The following WTAP variants were observed in gnomAD, a reference collection of about 807,000 sequenced individuals.
The protein encoded by WTAP is pre-mRNA-splicing regulator WTAP.
In WTAP, 8 loss-of-function variants were observed where a neutral mutation model predicts 50.0. That is an observed-to-expected ratio of 0.16 (90% CI 0.09 to 0.29). The LOEUF is 0.29. Among genes scored for constraint, WTAP ranks in the 10% least tolerant of loss-of-function variants. The pLI is 1.00. For synonymous variants in WTAP, 194 were observed against 169.0 expected (o/e 1.15, Z -1.15); for missense variants, 295 against 470.7 (o/e 0.63, Z 3.45).
At position 159,753,321 on chromosome 6, in the gene WTAP, AAAG is replaced by A. The variant is rs771490212; in HGVS notation, c.453-134_453-132del. ...ATGCAGAAGATGGATGTGTCCCAGA[AAAG>A]AAGATGGTAATTATGGGGAAGCATC... On this transcript the variant is annotated intron_variant, in intron 6 of 7. Coordinates refer to ENST00000621533, the MANE Select transcript of WTAP (RefSeq NM_001270531.2). 430 of 1,235,940 alleles carry A rather than the reference AAAG, an allele frequency of 3.5e-4. 2 individuals are homozygous for A. Among genetic ancestry groups the A allele is most frequent in the Non-Finnish European group, 4.6e-4 (403 of 882,314 alleles). The allele number at this position is 1,235,940 out of a possible 1,614,324, so 76.6% of individuals were successfully genotyped here.
At chr6:159,743,934 C>G (rs1159818282) in intron 5 of WTAP, 142 bp downstream of exon 5, 7 of 972,624 alleles carry the variant, frequency 7.2e-6, no homozygotes, top group Non-Finnish European at 9.5e-6. Context: ...TTTAAGAATA[C>G]TAGATGAAAA....
Position 159,727,649 on chromosome 6 carries a change from A to G in WTAP, c.-63A>G, listed in dbSNP as rs1304686417. On this transcript the variant is annotated 5_prime_UTR_variant, in exon 1 of 8. Coordinates refer to ENST00000621533, the MANE Select transcript of WTAP (RefSeq NM_001270531.2). Reference sequence around the variant, plus strand: ...GGGGGGCCCGGGCGGCAGGGCAAGCAGCGCGGCCTCGGCCTATGCGACCGG... The same window carrying G: ...GGGGGGCCCGGGCGGCAGGGCAAGCGGCGCGGCCTCGGCCTATGCGACCGG... The G allele has an allele frequency of 1.0e-6, 1 of 985,736 alleles. No individual in the cohort carries two copies. The highest frequency in any genetic ancestry group is 1.8e-5 in the African/African-American group (1 of 57,098). 61.1% of individuals were successfully genotyped at this position (985,736 alleles called of 1,614,324 possible). A position where few individuals can be genotyped will look rare whatever the true frequency, so the allele number is the denominator to read the frequency against.
At chr6:159,750,339 A>G (rs1300763164) in intron 6 of WTAP, among the ~76,000 whole-genome samples, 1 of 152,236 alleles carries the variant, frequency 6.6e-6, no homozygotes, top group Non-Finnish European at 1.5e-5. Flanking sequence ...GATAACAGTC[A>G]TGAGTTCTAT....
At chr6:159,741,257 C>T (rs1424167430) in intron 3 of WTAP, among the ~76,000 whole-genome samples, 1 of 152,104 alleles carries the variant, frequency 6.6e-6, no homozygotes, top group Non-Finnish European at 1.5e-5. Context: ...CAACGGTCCC[C>T]TTGTATTCTG....
At chr6:159,728,742 C>T (rs1443106380) in intron 1 of WTAP, among the ~76,000 whole-genome samples, 6 of 152,200 alleles carry the variant, frequency 3.9e-5, no homozygotes, top group Non-Finnish European at 1.5e-5. Context: ...GGAAAGATTG[C>T]AGTCCGCAAA....
chr6:159,746,781 A>G (rs1035880527), intron 5 of WTAP, among the ~76,000 whole-genome samples: 1 of 152,234 alleles, frequency 6.6e-6, no homozygotes, highest in Non-Finnish European at 1.5e-5. Context: ...AATAAAACTA[A>G]CTTTGAAAAC....
intron 6 of WTAP, chr6:159,749,080 A>G (rs879236001): frequency 3.8e-5 from 38 of 987,806 alleles, no homozygotes; most frequent in Middle Eastern, 5.1e-4. Context: ...GCCTTAATCA[A>G]TGTGGTTTTA....
chr6:159,739,088 A>G (rs770262836), intron 3 of WTAP, 43 bp downstream of exon 3: 4 of 1,482,004 alleles, frequency 2.7e-6, no homozygotes, highest in East Asian at 2.3e-5. Context: ...TCTATAGAAC[A>G]TTATATTGTG....
rs1779977422 is a variant in WTAP, at chr6:159,755,717, GTTTTGGTTTT to G, written c.*111_*120del. On this transcript the variant is annotated 3_prime_UTR_variant, in exon 8 of 8. Coordinates refer to ENST00000621533, the MANE Select transcript of WTAP (RefSeq NM_001270531.2). The stretch of plus-strand genomic sequence containing the variant: ...ACAATTTGCCTTTTTGTGGGTGTAC[GTTTTGGTTTT>G]TTTTTGTTGTTTTTTTTCTTTGTTT... 5.1e-6 allele frequency: 5 copies of G among 980,926 alleles called. No individual in the cohort carries two copies. The highest frequency in any genetic ancestry group is 4.8e-6 in the Non-Finnish European group (4 of 838,326). The allele number at this position is 980,926 out of a possible 1,614,324, so 60.8% of individuals were successfully genotyped here. A position where few individuals can be genotyped will look rare whatever the true frequency, so the allele number is the denominator to read the frequency against.
At chr6:159,740,657 A>G (rs1583083586) in intron 3 of WTAP, among the ~76,000 whole-genome samples, 1 of 151,900 alleles carries the variant, frequency 6.6e-6, no homozygotes, top group Non-Finnish European at 1.5e-5. Flanking sequence ...GTTTACATAG[A>G]AAGTGGATTA....
At chr6:159,746,107 A>C (rs1476097200) in intron 5 of WTAP, among the ~76,000 whole-genome samples, 1 of 152,236 alleles carries the variant, frequency 6.6e-6, no homozygotes, top group Non-Finnish European at 1.5e-5. Flanking sequence ...AAAGGCATAC[A>C]TAAAGTTCTG....
Position 159,755,352 on chromosome 6 carries a change from A to G in WTAP, c.932A>G (p.Asn311Ser), listed in dbSNP as rs369657864. The G allele has an allele frequency of 3.3e-5, 54 of 1,614,260 alleles. No homozygotes were observed. Among genetic ancestry groups the G allele is most frequent in the Admixed American group, 6.7e-5 (4 of 60,036 alleles). Residue 311 changes from asparagine to serine, a missense_variant, in exon 8 of 8, where the codon AAT becomes AGT. Asn to Ser is a conservative substitution (Grantham distance 46). Transcript: ENST00000621533. The stretch of plus-strand genomic sequence containing the variant: ...TTTCCTTCTTCTCCAGGGAATGGTA[A>G]TAAGTCCTCCAACAGCTCAGAGGAG... ...DDFPSSPGNG[N>S]KSSNSSEERT...
chr6:159,747,108 A>G (rs1779620936), intron 5 of WTAP, among the ~76,000 whole-genome samples: 1 of 152,230 alleles, frequency 6.6e-6, no homozygotes, highest in Non-Finnish European at 1.5e-5. Context: ...TTTATATTAG[A>G]AAATTTTAAC....
intron 5 of WTAP, among the ~76,000 whole-genome samples, chr6:159,744,571 C>G (rs1779457707): frequency 6.6e-6 from 1 of 152,202 alleles, no homozygotes; most frequent in Non-Finnish European, 1.5e-5. Context: ...AAGGTTCAGT[C>G]ACAGTCCTTT....
At chr6:159,734,929 G>C (rs1213311115) in intron 1 of WTAP, among the ~76,000 whole-genome samples, 2 of 151,802 alleles carry the variant, frequency 1.3e-5, no homozygotes, top group Admixed American at 1.3e-4. Flanking sequence ...GTGTGGATTT[G>C]TAGTTTAATG....
At chr6:159,744,941 A>G (rs776171909) in intron 5 of WTAP, among the ~76,000 whole-genome samples, 1 of 152,162 alleles carries the variant, frequency 6.6e-6, no homozygotes, top group African/African-American at 2.4e-5. Context: ...TGGCCTCCCA[A>G]AACTGTTGGG....
At chr6:159,751,304 A>T (rs1434447064) in intron 6 of WTAP, among the ~76,000 whole-genome samples, 1 of 152,184 alleles carries the variant, frequency 6.6e-6, no homozygotes, top group African/African-American at 2.4e-5. Context: ...TGACATTTTT[A>T]TATGGGGTTA....
intron 2 of WTAP, 24 bp downstream of exon 2, chr6:159,736,319 T>G: frequency 3.8e-6 from 6 of 1,589,008 alleles, no homozygotes; most frequent in Non-Finnish European, 5.2e-6. Context: ...TTTTGGGTTT[T>G]TTTGTTTTGT....
At chr6:159,744,722 C>G (rs532767314) in intron 5 of WTAP, among the ~76,000 whole-genome samples, 1 of 148,858 alleles carries the variant, frequency 6.7e-6, no homozygotes, top group Middle Eastern at 3.6e-3. Flanking sequence ...TTCCCACTAA[C>G]CCCCCCGCCC....
Sources: gnomAD v4.1 joint callset for allele counts (sites outside exome capture counted in the v4.1 genomes callset) on GRCh38, gnomAD v4.1.1 for gene constraint, MANE v1.5 for transcripts, NCBI Gene and HGNC (gene_info 2026-07-23, HGNC 2026-07-21) for gene names.